The following MYCBP2 variants were observed in gnomAD, a reference collection of about 807,000 sequenced individuals.
MYCBP2 encodes MYC binding protein 2, also known as E3 ubiquitin-protein ligase MYCBP2.
In MYCBP2, 120 loss-of-function variants were observed where a neutral mutation model predicts 525.3. The ratio of observed to expected loss-of-function variants is 0.23; its 90% CI spans 0.20 to 0.27. The LOEUF is 0.27. Ranked by LOEUF, MYCBP2 falls within the 10% of genes least tolerant of loss-of-function variation. The pLI is 1.00. For missense variants in MYCBP2, 4,149 were observed against 5,657.1 expected (o/e 0.73, Z 8.55); for synonymous variants, 1,894 against 1,955.8 (o/e 0.97, Z 0.83).
At chr13:77,144,269 C>T in intron 49 of MYCBP2, 176 bp downstream of exon 49, 2 of 587,050 alleles carry the variant, frequency 3.4e-6, no homozygotes, top group South Asian at 4.2e-5. Context: ...GAAATTATTA[C>T]AAAATGTTAA....
intron 26 of MYCBP2, among the ~76,000 whole-genome samples, chr13:77,195,532 G>A (rs937001803): frequency 6.6e-6 from 1 of 152,182 alleles, no homozygotes; most frequent in African/African-American, 2.4e-5. Flanking sequence ...AGGAGGCAGA[G>A]GCTGCAGAGA....
intron 26 of MYCBP2, among the ~76,000 whole-genome samples, chr13:77,199,710 GCCT>G (rs1213815495): frequency 1.3e-5 from 2 of 152,242 alleles, no homozygotes; most frequent in Non-Finnish European, 2.9e-5. Flanking sequence ...AGGGCAGACT[GCCT>G]CCTCAAGTGG....
chr13:77,121,839 G>T lies in MYCBP2; in HGVS notation c.8018-344C>A, dbSNP rs183922088. Among the ~76,000 whole-genome samples, 709 of 151,918 alleles carry T rather than the reference G, an allele frequency of 4.7e-3. 3 individuals carry two copies. Among genetic ancestry groups the T allele is most frequent in the African/African-American group, 0.015 (620 of 41,418 alleles). On this transcript the variant is annotated intron_variant, in intron 54 of 82. Transcript: ENST00000544440. ...CAACAAATTTATACAAGAGTATTTT[G>T]CAAAACAAAATGGATAACCTATAAA... is the stretch of plus-strand genomic sequence containing the variant.
Position 77,081,913 on chromosome 13 carries a change from A to G in MYCBP2, c.11117T>C (p.Leu3706Ser). 6.2e-7 allele frequency: 1 copy of G among 1,613,734 alleles called. No individual in the cohort carries two copies. Among genetic ancestry groups the G allele is most frequent in the Non-Finnish European group, 8.5e-7 (1 of 1,179,764 alleles). Residue 3706 changes from leucine to serine, a missense_variant, in exon 64 of 83, where the codon TTG (leucine) becomes TCG (serine). This residue lies in a region of MYCBP2 where 509 missense variants were observed against 789.4 expected (regional missense o/e 0.64). Transcript: ENST00000544440. The surrounding 1 kb of genome is among the most constrained non-coding windows in gnomAD (Gnocchi z 4.6). ...SNVFHHINNI[L>S]SKSDDGDSEE... ...ACTATCGCCATCATCTGACTTTGACAAAATATTGTTAATGTGATGAAAGAC... is the reference window on the plus strand; with the variant it reads ...ACTATCGCCATCATCTGACTTTGACGAAATATTGTTAATGTGATGAAAGAC...
chr13:77,084,421 T>C (rs1305171543), intron 62 of MYCBP2, among the ~76,000 whole-genome samples: 2 of 152,214 alleles, frequency 1.3e-5, no homozygotes, highest in Non-Finnish European at 2.9e-5. Context: ...TTCTGGTTTA[T>C]ATTATCTTCT....
At chr13:77,267,706 T>C in intron 8 of MYCBP2, 135 bp downstream of exon 8, 8 of 684,520 alleles carry the variant, frequency 1.2e-5, no homozygotes, top group Middle Eastern at 2.5e-4. Flanking sequence ...TAAAATGCTT[T>C]GTATGTCAAG....
At position 77,122,352 on chromosome 13, in the gene MYCBP2, T is replaced by C. The variant is rs182081990; in HGVS notation, c.8018-857A>G. On this transcript the variant is annotated intron_variant, in intron 54 of 82. Coordinates refer to ENST00000544440, the MANE Select transcript of MYCBP2 (RefSeq NM_015057.5). ...AAAAATAAAATATCTCAAGTATATT[T>C]TTAAATATCTTATTTTTAAAATATC... Among the ~76,000 whole-genome samples, 364 of 152,216 alleles carry C rather than the reference T, an allele frequency of 2.4e-3. 4 individuals are homozygous for C. The highest frequency in any genetic ancestry group is 8.4e-3 in the African/African-American group (351 of 41,562).
Position 77,176,619 on chromosome 13 carries a change from C to G in MYCBP2, c.5350G>C (p.Ala1784Pro), listed in dbSNP as rs2059729750. 1.3e-6 allele frequency: 2 copies of G among 1,534,636 alleles called. No individual in the cohort carries two copies. The highest frequency in any genetic ancestry group is 1.4e-5 in the African/African-American group (1 of 73,182). Residue 1784 changes from alanine (A) to proline (P), a missense_variant, in exon 36 of 83, where the codon GCA becomes CCA. Ala to Pro is a conservative substitution (Grantham distance 27). This residue lies in a region of MYCBP2 where 109 missense variants were observed against 118.9 expected (regional missense o/e 0.92). Transcript: ENST00000544440. ...CTGTGGGAATGAGTTGAATCTCCTG[C>G]ATGTTCACTCTAAAAAAAAAAAATG... The part of the protein sequence containing the change: ...LEVLVDDSEH[A>P]GDSTHSHRWT...
At chr13:77,244,972 C>T (rs1250631534) in intron 15 of MYCBP2, among the ~76,000 whole-genome samples, 1 of 152,024 alleles carries the variant, frequency 6.6e-6, no homozygotes, top group Non-Finnish European at 1.5e-5. Context: ...ACTTCTCAAA[C>T]GAAGACATTT....
chr13:77,152,168 T>C (rs1337237094), intron 46 of MYCBP2, among the ~76,000 whole-genome samples: 1 of 152,226 alleles, frequency 6.6e-6, no homozygotes. Flanking sequence ...TCGCTATTTA[T>C]ATAATGTTAG....
Position 77,279,992 on chromosome 13 carries a change from G to A in MYCBP2, c.595-1081C>T, listed in dbSNP as rs114568287. On this transcript the variant is annotated intron_variant, in intron 3 of 82. Coordinates refer to ENST00000544440, the MANE Select transcript of MYCBP2 (RefSeq NM_015057.5). ...AATATACAAGGAACATGTCTTAAAC[G>A]GCTTAATACCTCCCATGCCTAGCCA... Among the ~76,000 whole-genome samples, 1,323 of 152,224 alleles carry A rather than the reference G, an allele frequency of 8.7e-3. 22 individuals carry two copies. The highest frequency in any genetic ancestry group is 0.03 in the African/African-American group (1,231 of 41,536).
At chr13:77,284,385 G>A (rs1166813169) in intron 3 of MYCBP2, among the ~76,000 whole-genome samples, 1 of 152,112 alleles carries the variant, frequency 6.6e-6, no homozygotes, top group African/African-American at 2.4e-5. Flanking sequence ...GAAGGTCAAA[G>A]GGAAAAGAAA....
intron 1 of MYCBP2, among the ~76,000 whole-genome samples, chr13:77,306,644 TAAG>T (rs2079459458): frequency 6.6e-6 from 1 of 152,190 alleles, no homozygotes; most frequent in South Asian, 2.1e-4. Flanking sequence ...TTTGTACTCT[TAAG>T]TAAACATAGG....
At chr13:77,307,800 C>CCAAA (rs931435434) in intron 1 of MYCBP2, among the ~76,000 whole-genome samples, 2 of 152,032 alleles carry the variant, frequency 1.3e-5, no homozygotes, top group African/African-American at 4.8e-5. Flanking sequence ...ACGATAACTA[C>CCAAA]CAAACAGTGC....
At chr13:77,251,471 A>C (rs2071194518) in intron 14 of MYCBP2, 116 bp from the exon 15 acceptor site, 1 of 795,736 alleles carries the variant, frequency 1.3e-6, no homozygotes, top group Non-Finnish European at 2.0e-6. Flanking sequence ...AATTATACAA[A>C]GAAATGCTTA....
chr13:77,202,448 C>G (rs1391233785), intron 26 of MYCBP2, among the ~76,000 whole-genome samples: 1 of 152,072 alleles, frequency 6.6e-6, no homozygotes, highest in South Asian at 2.1e-4. Context: ...GATTCACAGC[C>G]GAATTCTACC....
At chr13:77,057,539 A>G (rs1594092433) in intron 78 of MYCBP2, among the ~76,000 whole-genome samples, 1 of 152,318 alleles carries the variant, frequency 6.6e-6, no homozygotes, top group South Asian at 2.1e-4. Context: ...GTATAGAAGT[A>G]TGTATCATTA....
chr13:77,127,068 T>C (rs533404445), intron 52 of MYCBP2, among the ~76,000 whole-genome samples: 1 of 152,198 alleles, frequency 6.6e-6, no homozygotes, highest in South Asian at 2.1e-4. Context: ...ATTAAAAATA[T>C]AGCTATATCT....
intron 77 of MYCBP2, 115 bp downstream of exon 77, chr13:77,059,408 A>AAAG: frequency 2.6e-6 from 2 of 780,190 alleles, no homozygotes; most frequent in Non-Finnish European, 4.5e-6. Flanking sequence ...TCACATAGGT[A>AAAG]ATACACTCAT....
Sources: gnomAD v4.1 joint callset for allele counts (sites outside exome capture counted in the v4.1 genomes callset) on GRCh38, gnomAD v4.1.1 for gene constraint, gnomAD v4.1.1 regional missense constraint, Gnocchi (gnomAD v3.1) non-coding constraint, MANE v1.5 for transcripts, NCBI Gene and HGNC (gene_info 2026-07-23, HGNC 2026-07-21) for gene names.